CCDC171: variants seen among roughly 807,000 people sequenced by gnomAD.
CCDC171 encodes the protein coiled-coil domain-containing protein 171.
In CCDC171, 177 loss-of-function variants were observed where a neutral mutation model predicts 168.2. The ratio of observed to expected loss-of-function variants is 1.05; its 90% CI spans 0.93 to 1.19. CCDC171 has a LOEUF of 1.19. CCDC171 is among the 50% of genes most tolerant of loss of function. The pLI, the probability that CCDC171 is intolerant of heterozygous loss-of-function variation, is 0.00. For synonymous variants in CCDC171, 687 were observed against 540.8 expected, an observed-to-expected ratio of 1.27 and a Z score of -3.75; for missense variants, 1,991 against 1,539.0, an observed-to-expected ratio of 1.29 and a Z score of -4.91.
At chr9:15,601,582 C>T (rs1451827458) in intron 6 of CCDC171, among the ~76,000 whole-genome samples, 1 of 152,168 alleles carries the variant, frequency 6.6e-6, no homozygotes, top group East Asian at 1.9e-4. Context: ...GGCTGTAAAA[C>T]TGATTAAGAC....
chr9:16,076,981 A>G, the CCDC171 span, among the ~76,000 whole-genome samples: 2 of 152,240 alleles, frequency 1.3e-5, no homozygotes, highest in Non-Finnish European at 2.9e-5. Flanking sequence ...TCTTCTAAAT[A>G]GTTTCTTTTT....
In CCDC171 at chr9:15,723,536, CT is replaced by C. The variant is rs2053617339; in HGVS notation, c.1426-144del. ...ACCAAAAGAAATAATTTTTTAAAGACTCTTAATTACTATTGAAAAATTTGTA... is the reference window on the plus strand; with the variant it reads ...ACCAAAAGAAATAATTTTTTAAAGACCTTAATTACTATTGAAAAATTTGTA... On this transcript the variant is annotated intron_variant, in intron 12 of 25. Coordinates refer to ENST00000380701, the MANE Select transcript of CCDC171 (RefSeq NM_173550.4). 4.9e-6 allele frequency: 3 copies of C among 613,774 alleles called. No homozygotes were observed. In the African/African-American group the frequency reaches 5.9e-5, roughly 12 times the overall value. The allele number at this position is 613,774 out of a possible 1,614,324, so 38.0% of individuals were successfully genotyped here.
intron 7 of CCDC171, 94 bp from the exon 8 acceptor site, chr9:15,657,033 A>G: frequency 1.7e-6 from 1 of 578,744 alleles, no homozygotes; most frequent in Non-Finnish European, 2.9e-6. Flanking sequence ...CAAGTCCACT[A>G]ATCTAAAGTG....
chr9:15,941,271 C>T (rs1827700539), intron 25 of CCDC171, among the ~76,000 whole-genome samples: 1 of 151,974 alleles, frequency 6.6e-6, no homozygotes, highest in South Asian at 2.1e-4. Flanking sequence ...GTCAGGAATG[C>T]ATAGAAAGTT....
At chr9:16,065,601 A>G (rs1833982194), downstream of CCDC171, among the ~76,000 whole-genome samples, 2 of 152,304 alleles carry the variant, frequency 1.3e-5, no homozygotes, top group Middle Eastern at 6.8e-3. Flanking sequence ...ACTCTGACAC[A>G]CAGTTTGAGG....
intron 21 of CCDC171, among the ~76,000 whole-genome samples, chr9:15,835,860 A>G (rs1472532663): frequency 1.3e-5 from 2 of 152,198 alleles, no homozygotes; most frequent in Non-Finnish European, 2.9e-5. Context: ...CTATTTACAT[A>G]TATACATGCA....
intron 24 of CCDC171, among the ~76,000 whole-genome samples, chr9:15,903,218 C>T (rs577116721): frequency 1.1e-4 from 16 of 152,314 alleles, no homozygotes; most frequent in East Asian, 3.9e-4. Context: ...GATCTGAGAA[C>T]GGACAGACTG....
At chr9:16,097,600 C>T in the CCDC171 span, among the ~76,000 whole-genome samples, 3 of 152,172 alleles carry the variant, frequency 2.0e-5, no homozygotes, top group African/African-American at 4.8e-5. Context: ...AGCAAGCATA[C>T]TATCTCAAAA....
In CCDC171 at chr9:15,991,865, C is replaced by G. The variant is rs563636466; in HGVS notation, n.369-28724C>G. Among the ~76,000 whole-genome samples, 292 of 152,208 alleles carry G rather than the reference C, an allele frequency of 1.9e-3. 2 individuals carry two copies. Among genetic ancestry groups the G allele is most frequent in the African/African-American group, 6.2e-3 (258 of 41,524 alleles). On this transcript the variant is annotated intron_variant and non_coding_transcript_variant, in intron 3 of 9. Transcript: ENST00000486641. ...AAATTCCTGGACACATACACCCTCC[C>G]AAGACTAAATCAGGGAGAAGTTGAA...
At chr9:15,729,155 T>C (rs2054001360) in intron 15 of CCDC171, among the ~76,000 whole-genome samples, 1 of 152,218 alleles carries the variant, frequency 6.6e-6, no homozygotes, top group Non-Finnish European at 1.5e-5. Flanking sequence ...TCATACATTT[T>C]AGAAAATGAG....
chr9:15,752,597 A>G (rs893579197), intron 18 of CCDC171, among the ~76,000 whole-genome samples: 2 of 152,198 alleles, frequency 1.3e-5, no homozygotes. Flanking sequence ...TTGCAGGGTC[A>G]TGGATGAAGG....
the CCDC171 span, among the ~76,000 whole-genome samples, chr9:16,084,000 A>T: frequency 3.7e-3 from 563 of 152,312 alleles, 6 homozygotes; most frequent in African/African-American, 0.013. Context: ...GACTAAAGAC[A>T]CTGAAACATG....
At chr9:16,067,405 T>C in the CCDC171 span, among the ~76,000 whole-genome samples, 1 of 152,188 alleles carries the variant, frequency 6.6e-6, no homozygotes, top group African/African-American at 2.4e-5. Context: ...TCTCCCATTT[T>C]GTAGGTTTCC....
downstream of CCDC171, among the ~76,000 whole-genome samples, chr9:16,066,559 C>G (rs202102128): frequency 7.6e-6 from 1 of 131,074 alleles, no homozygotes; most frequent in African/African-American, 2.8e-5. Context: ...GCGCTGCACC[C>G]ACTAACTCGT....
chr9:15,722,020 GTTCT>G, intron 12 of CCDC171, 145 bp downstream of exon 12: 1 of 363,264 alleles, frequency 2.8e-6, no homozygotes, highest in Non-Finnish European at 4.9e-6. Flanking sequence ...ATCTTTCGCT[GTTCT>G]TTCTTTAAGT....
chr9:15,741,222 A>G (rs2054860282), intron 16 of CCDC171, among the ~76,000 whole-genome samples: 1 of 152,136 alleles, frequency 6.6e-6, no homozygotes, highest in South Asian at 2.1e-4. Flanking sequence ...AACCATCACC[A>G]CTATTTAGCT....
rs58256366 is a variant in CCDC171, at chr9:15,890,531, GT to G, written c.3600+15880del. Among the ~76,000 whole-genome samples the G allele has an allele frequency of 8.9e-4, 129 of 144,554 alleles. 1 individual carries two copies. In the East Asian group the frequency reaches 0.011, roughly 13 times the overall value. The allele number at this position is 144,554 out of a possible 152,430, so 94.8% of individuals were successfully genotyped here. A position where few individuals can be genotyped will look rare whatever the true frequency, so the allele number is the denominator to read the frequency against. On this transcript the variant is annotated intron_variant, in intron 24 of 25. Coordinates refer to ENST00000380701, the MANE Select transcript of CCDC171 (RefSeq NM_173550.4). ...GGGATTGACCTGGAGGATTGGTAAGGTTTTTTTTTTTTGCAGCTACTGAAAC... is the reference window on the plus strand; with the variant it reads ...GGGATTGACCTGGAGGATTGGTAAGGTTTTTTTTTTTGCAGCTACTGAAAC...
the CCDC171 span, among the ~76,000 whole-genome samples, chr9:16,077,192 G>A: frequency 6.6e-6 from 1 of 152,094 alleles, no homozygotes; most frequent in Admixed American, 6.5e-5. Context: ...TAGAAGAGGT[G>A]GTGTCATGGA....
chr9:15,996,417 CTTTTTTTT>C (rs34798326), intron 3 of CCDC171, among the ~76,000 whole-genome samples: 1 of 64,594 alleles, frequency 1.5e-5, no homozygotes, highest in Non-Finnish European at 2.9e-5. Context: ...CTAGGAGGCT[CTTTTTTTT>C]TTTTTTTTTT....
Sources: gnomAD v4.1 joint callset for allele counts (sites outside exome capture counted in the v4.1 genomes callset) on GRCh38, gnomAD v4.1.1 for gene constraint, MANE v1.5 for transcripts, NCBI Gene and HGNC (gene_info 2026-07-23, HGNC 2026-07-21) for gene names.